The following C1orf94 variants were observed in gnomAD, a reference collection of about 807,000 sequenced individuals.
C1orf94 encodes the protein uncharacterized protein C1orf94.
A neutral mutation model predicts 53.6 loss-of-function variants in C1orf94; 45 were observed. The ratio of observed to expected loss-of-function variants is 0.84; its 90% CI spans 0.66 to 1.08. C1orf94 has a LOEUF of 1.08. Among genes scored for constraint, C1orf94 ranks in the 50% least tolerant of loss-of-function variants. The pLI, the probability that C1orf94 is intolerant of heterozygous loss-of-function variation, is 0.00. For missense variants in C1orf94, 762 were observed against 738.9 expected, an observed-to-expected ratio of 1.03 and a Z score of -0.36; for synonymous variants, 304 against 296.1, an observed-to-expected ratio of 1.03 and a Z score of -0.27.
chr1:34,174,605 T>C (rs1642195153), upstream of C1orf94, among the ~76,000 whole-genome samples: 1 of 152,106 alleles, frequency 6.6e-6, no homozygotes, highest in Non-Finnish European at 1.5e-5. Context: ...CAGGGACACA[T>C]ATACAGGGAA....
chr1:34,217,161 C>A (rs1564274), intron 6 of C1orf94, among the ~76,000 whole-genome samples: 22 of 152,176 alleles, frequency 1.4e-4, no homozygotes, highest in African/African-American at 5.1e-4. Context: ...TATGTTCGTC[C>A]TACTCAACAG....
chr1:34,174,211 C>G (rs140580553), upstream of C1orf94, among the ~76,000 whole-genome samples: 1 of 152,250 alleles, frequency 6.6e-6, no homozygotes, highest in East Asian at 1.9e-4. Flanking sequence ...AATTCTCCCT[C>G]TCTACACAAA....
chr1:34,190,974 C>T (rs529758546), intron 1 of C1orf94, among the ~76,000 whole-genome samples: 1 of 152,302 alleles, frequency 6.6e-6, no homozygotes, highest in East Asian at 1.9e-4. Flanking sequence ...GAACTTGGCT[C>T]ATGCTCACCC....
chr1:34,178,846 G>A (rs1179213441), intron 1 of C1orf94, among the ~76,000 whole-genome samples: 6 of 152,222 alleles, frequency 3.9e-5, no homozygotes, highest in African/African-American at 4.8e-5. Context: ...TATTAATACC[G>A]CCGTTGAGCA....
At chr1:34,184,010 T>G (rs1328962338) in intron 1 of C1orf94, among the ~76,000 whole-genome samples, 1 of 152,144 alleles carries the variant, frequency 6.6e-6, no homozygotes, top group African/African-American at 2.4e-5. Context: ...GTTCTGGTGA[T>G]GAAGTGCCAG....
intron 1 of C1orf94, among the ~76,000 whole-genome samples, chr1:34,169,259 C>G (rs543845631): frequency 6.6e-6 from 1 of 152,088 alleles, no homozygotes; most frequent in Non-Finnish European, 1.5e-5. Flanking sequence ...AGGCAGGAGT[C>G]AAAGACATAA....
At chr1:34,185,789 T>C (rs1642376080) in intron 1 of C1orf94, among the ~76,000 whole-genome samples, 1 of 152,222 alleles carries the variant, frequency 6.6e-6, no homozygotes, top group Non-Finnish European at 1.5e-5. Context: ...CTCAGACATC[T>C]CTCATGGCTC....
upstream of C1orf94, among the ~76,000 whole-genome samples, chr1:34,173,185 G>A (rs907029886): frequency 1.6e-4 from 25 of 152,174 alleles, no homozygotes; most frequent in Admixed American, 2.0e-4. Context: ...AAGATTTCTC[G>A]AGTAGGCACT....
intron 5 of C1orf94, among the ~76,000 whole-genome samples, chr1:34,208,544 G>A (rs1642837636): frequency 6.6e-6 from 1 of 152,228 alleles, no homozygotes; most frequent in African/African-American, 2.4e-5. Context: ...CCCAAGCACA[G>A]AGAGATTAAG....
chr1:34,176,826 C>A (rs952784376), upstream of C1orf94, among the ~76,000 whole-genome samples: 4 of 152,188 alleles, frequency 2.6e-5, no homozygotes, highest in African/African-American at 9.6e-5. Context: ...CTTCTGATCC[C>A]CCGAAGCGCT....
intron 1 of C1orf94, among the ~76,000 whole-genome samples, chr1:34,184,972 C>T (rs1642363533): frequency 6.6e-6 from 1 of 152,092 alleles, no homozygotes; most frequent in South Asian, 2.1e-4. Context: ...CTAATCTCAA[C>T]TAGTGTTTTC....
intron 1 of C1orf94, among the ~76,000 whole-genome samples, chr1:34,184,626 A>G (rs1280500748): frequency 6.6e-6 from 1 of 152,146 alleles, no homozygotes; most frequent in Non-Finnish European, 1.5e-5. Flanking sequence ...GCTTTTTTGC[A>G]CTTATTTTGG....
At chr1:34,186,304 A>G (rs574249177) in intron 1 of C1orf94, among the ~76,000 whole-genome samples, 1 of 152,350 alleles carries the variant, frequency 6.6e-6, no homozygotes, top group East Asian at 1.9e-4. Context: ...AGGGATTACT[A>G]TGGAAGCAAA....
At chr1:34,194,042 G>A (rs1310152517) in intron 1 of C1orf94, among the ~76,000 whole-genome samples, 1 of 152,176 alleles carries the variant, frequency 6.6e-6, no homozygotes, top group East Asian at 1.9e-4. Flanking sequence ...AGCTGGGGGG[G>A]ACATGAGTGT....
At chr1:34,208,350 G>C in intron 5 of C1orf94, 116 bp downstream of exon 5, 1 of 1,024,770 alleles carries the variant, frequency 9.8e-7, no homozygotes, top group South Asian at 1.5e-5. Flanking sequence ...CCCACCATTG[G>C]CTCTGGAGTA....
At chr1:34,210,601 A>G (rs891951075) in intron 5 of C1orf94, among the ~76,000 whole-genome samples, 3 of 151,830 alleles carry the variant, frequency 2.0e-5, no homozygotes, top group African/African-American at 7.3e-5. Flanking sequence ...TAACGACAGC[A>G]TCCATGTGAA....
In C1orf94 at chr1:34,197,725, T is replaced by C. The variant is rs763385816; in HGVS notation, c.821T>C (p.Leu274Pro). The C allele has an allele frequency of 1.9e-6, 3 of 1,614,132 alleles. No homozygotes were observed. In the Admixed American group the frequency reaches 5.0e-5, roughly 27 times the overall value. The change falls in exon 2 of 7, where the codon CTG becomes CCG. Residue 274 changes from leucine to proline, a missense_variant. Transcript: ENST00000488417. The surrounding 1 kb of genome is among the most constrained non-coding windows in gnomAD (Gnocchi z 4.1). ...ACCAAGGACTTCCTACAGGACAACC[T>C]GTTCAGTGGCCCTGGACCCAAGGAG... ...RVTKDFLQDN[L>P]FSGPGPKEPT...
At position 34,168,871 on chromosome 1, in the gene C1orf94, AC is replaced by A. The variant is rs539887073; in HGVS notation, c.-251+1701del. On this transcript the variant is annotated intron_variant, in intron 1 of 6. Coordinates refer to the C1orf94 transcript ENST00000373374. ...ACATCCTGAAGTACTAGGGGTTCGGACTTCAACCTATGAATTTGGGTGGGGG... is the reference window on the plus strand; with the variant it reads ...ACATCCTGAAGTACTAGGGGTTCGGATTCAACCTATGAATTTGGGTGGGGG... Among the ~76,000 whole-genome samples, 274 of 152,290 alleles carry A rather than the reference AC, an allele frequency of 1.8e-3. 2 individuals are homozygous for A. The highest frequency in any genetic ancestry group is 0.014 in the Middle Eastern group (4 of 294).
chr1:34,210,863 C>G (rs1050481458), intron 5 of C1orf94, among the ~76,000 whole-genome samples: 2 of 151,716 alleles, frequency 1.3e-5, no homozygotes, highest in African/African-American at 4.9e-5. Flanking sequence ...CCATATTGGC[C>G]AGGCTGGTCT....
Sources: allele counts gnomAD v4.1 joint callset (sites outside exome capture counted in the v4.1 genomes callset), GRCh38; gene constraint gnomAD v4.1.1; non-coding constraint Gnocchi (gnomAD v3.1); transcripts MANE v1.5; gene names NCBI Gene and HGNC (gene_info 2026-07-23, HGNC 2026-07-21).